The following PTPRD variants were observed in gnomAD, a reference collection of about 807,000 sequenced individuals.
PTPRD encodes protein tyrosine phosphatase receptor type D.
In PTPRD, 34 loss-of-function variants were observed where a neutral mutation model predicts 214.5. The ratio of observed to expected loss-of-function variants is 0.16; its 90% confidence interval spans 0.12 to 0.21. The LOEUF is 0.21. PTPRD is among the 10% of genes least tolerant of loss of function. The pLI is 1.00. For synonymous variants in PTPRD, 1,128 were observed against 845.7 expected (o/e 1.33, Z -5.79); for missense variants, 2,545 against 2,398.7 (o/e 1.06, Z -1.27).
intron 11 of PTPRD, among the ~76,000 whole-genome samples, chr9:8,791,018 C>G (rs1377497733): frequency 6.6e-6 from 1 of 152,110 alleles, no homozygotes; most frequent in Non-Finnish European, 1.5e-5. Context: ...CCAATAAAGA[C>G]TCACACCATA....
intron 3 of PTPRD, among the ~76,000 whole-genome samples, chr9:10,167,718 A>T (rs1592972704): frequency 1.3e-5 from 2 of 152,324 alleles, no homozygotes; most frequent in South Asian, 4.1e-4. Context: ...AAGCTAGATA[A>T]AGCCCAAATT....
At chr9:10,360,521 G>C (rs746759789) in intron 2 of PTPRD, among the ~76,000 whole-genome samples, 1 of 152,162 alleles carries the variant, frequency 6.6e-6, no homozygotes, top group Non-Finnish European at 1.5e-5. Context: ...CAAAGTATTG[G>C]AAAGGACATA....
chr9:8,506,530 G>C (rs2097545844), intron 22 of PTPRD, among the ~76,000 whole-genome samples: 2 of 152,106 alleles, frequency 1.3e-5, no homozygotes, highest in African/African-American at 4.8e-5. Flanking sequence ...TCAAATCCCA[G>C]CTCTGCCATC....
intron 36 of PTPRD, among the ~76,000 whole-genome samples, chr9:8,402,313 AG>A (rs1188768584): frequency 3.3e-5 from 5 of 152,216 alleles, no homozygotes; most frequent in African/African-American, 1.2e-4. Context: ...AAACCAGCAT[AG>A]GAACGAAATG....
intron 37 of PTPRD, among the ~76,000 whole-genome samples, chr9:8,383,280 G>A (rs1273937348): frequency 1.3e-5 from 2 of 152,144 alleles, no homozygotes; most frequent in African/African-American, 4.8e-5. Flanking sequence ...GTTTACTAAG[G>A]TGACATTCAA....
rs575686970 is a variant in PTPRD at position 10,438,923 on chromosome 9, G to T, written c.-599-97906C>A. Among the ~76,000 whole-genome samples the T allele has an allele frequency of 3.1e-4, 47 of 151,772 alleles. 2 individuals are homozygous for T. The South Asian group carries it at 9.5e-3, about 31-fold the overall frequency. ...CAGTATGAGAGAGGTTCTGTAGAAT[G>T]TGAGACCAAGGGTCCCAGTGAGTCA... On this transcript the variant is annotated intron_variant, in intron 2 of 45. Coordinates refer to ENST00000381196, the MANE Select transcript of PTPRD (RefSeq NM_002839.4).
chr9:10,065,020 G>A (rs376871961), intron 3 of PTPRD, among the ~76,000 whole-genome samples: 2 of 151,846 alleles, frequency 1.3e-5, no homozygotes, highest in Non-Finnish European at 2.9e-5. Context: ...CAGGGAAATC[G>A]AACTAGGTAT....
chr9:8,324,387 G>T (rs1318237667), intron 44 of PTPRD, among the ~76,000 whole-genome samples: 1 of 152,158 alleles, frequency 6.6e-6, no homozygotes, highest in Non-Finnish European at 1.5e-5. Flanking sequence ...TGCTGAGAAT[G>T]ATGGTTTCCA....
At chr9:8,523,264 A>T (rs2139058172) in intron 19 of PTPRD, among the ~76,000 whole-genome samples, 1 of 152,202 alleles carries the variant, frequency 6.6e-6, no homozygotes, top group South Asian at 2.1e-4. Flanking sequence ...AACACTGACC[A>T]AGTTCACTGG....
intron 9 of PTPRD, among the ~76,000 whole-genome samples, chr9:9,348,621 C>A (rs2049868888): frequency 6.6e-6 from 1 of 152,046 alleles, no homozygotes; most frequent in Non-Finnish European, 1.5e-5. Context: ...ACGTTGGGGA[C>A]AGGAGTTGGG....
At chr9:9,551,409 A>T (rs1368019146) in intron 8 of PTPRD, among the ~76,000 whole-genome samples, 1 of 152,012 alleles carries the variant, frequency 6.6e-6, no homozygotes, top group Non-Finnish European at 1.5e-5. Flanking sequence ...TGGTAGTACT[A>T]GGCAACATTG....
At chr9:9,480,222 G>C (rs2095347193) in intron 8 of PTPRD, among the ~76,000 whole-genome samples, 1 of 152,154 alleles carries the variant, frequency 6.6e-6, no homozygotes, top group Admixed American at 6.5e-5. Context: ...GAAGGAGATG[G>C]TGATTGGTGG....
Position 10,015,590 on chromosome 9 carries a change from C to T in PTPRD, c.-472+18128G>A, listed in dbSNP as rs575518567. On this transcript the variant is annotated intron_variant, in intron 4 of 45. Coordinates refer to ENST00000381196, the MANE Select transcript of PTPRD (RefSeq NM_002839.4). ...AAGTAGGAGTCAATCCAAGCCTCAA[C>T]TTTAAAATGGGGATCACTGTGAGAT... Among the ~76,000 whole-genome samples, 15 of 152,218 alleles carry T rather than the reference C, an allele frequency of 9.9e-5. 1 individual carries two copies. In the South Asian group the frequency reaches 3.1e-3, roughly 32 times the overall value.
chr9:10,134,999 G>A (rs1211806981), intron 3 of PTPRD, among the ~76,000 whole-genome samples: 2 of 152,082 alleles, frequency 1.3e-5, no homozygotes, highest in Non-Finnish European at 2.9e-5. Flanking sequence ...TCCAACAGCT[G>A]AAAGATGACA....
intron 5 of PTPRD, among the ~76,000 whole-genome samples, chr9:9,906,581 CATTT>C (rs985156712): frequency 3.3e-5 from 5 of 151,914 alleles, no homozygotes; most frequent in African/African-American, 1.2e-4. Context: ...TCCTATGACA[CATTT>C]ATTTAAGTCA....
chr9:10,450,936 A>C (rs1410089456), intron 2 of PTPRD, among the ~76,000 whole-genome samples: 2 of 151,940 alleles, frequency 1.3e-5, no homozygotes, highest in African/African-American at 4.9e-5. Context: ...ATTTATAAAA[A>C]TCTCTAAGTA....
chr9:10,549,751 A>C (rs1057143501), intron 2 of PTPRD, among the ~76,000 whole-genome samples: 1 of 152,200 alleles, frequency 6.6e-6, no homozygotes, highest in Admixed American at 6.5e-5. Flanking sequence ...TCTTCATAAA[A>C]ACTATCTGAT....
rs764218131 is a variant in PTPRD, at chr9:8,436,587, A to G, written c.4086+5T>C. 6 of 1,600,648 alleles carry G rather than the reference A, an allele frequency of 3.7e-6. No individual in the cohort carries two copies. In the African/African-American group the frequency reaches 8.0e-5, roughly 21 times the overall value. On this transcript the variant is annotated splice_donor_5th_base_variant and intron_variant, in intron 35 of 45. Transcript: ENST00000381196. ...TTACTGTAAAGAATAAACACAGTGA[A>G]TTACCTCATATTCCTGGGAAAACTT...
At chr9:8,756,309 G>A (rs2093984178) in intron 11 of PTPRD, among the ~76,000 whole-genome samples, 1 of 152,040 alleles carries the variant, frequency 6.6e-6, no homozygotes, top group Non-Finnish European at 1.5e-5. Flanking sequence ...AGGTTTTGTT[G>A]TCATTGTCCC....
Sources: allele counts gnomAD v4.1 joint callset (sites outside exome capture counted in the v4.1 genomes callset), GRCh38; gene constraint gnomAD v4.1.1; transcripts MANE v1.5; gene names NCBI Gene and HGNC (gene_info 2026-07-23, HGNC 2026-07-21).